The following VPS53 variants were observed in gnomAD, a reference collection of about 807,000 sequenced individuals.
VPS53 encodes the protein VPS53 subunit of GARP complex.
A neutral mutation model predicts 107.0 loss-of-function variants in VPS53; 70 were observed. That is an observed-to-expected ratio of 0.65 (90% confidence interval 0.54 to 0.80). The LOEUF (loss-of-function observed/expected upper bound fraction) is 0.80. Among genes scored for constraint, VPS53 ranks in the 30% least tolerant of loss-of-function variants. The pLI is 0.00. For synonymous variants in VPS53, 409 were observed against 393.3 expected (o/e 1.04, Z -0.47); for missense variants, 917 against 1,049.4 (o/e 0.87, Z 1.74).
intron 4 of VPS53, among the ~76,000 whole-genome samples, chr17:683,905 TTACTC>T (rs1274698021): frequency 6.6e-6 from 1 of 152,192 alleles, no homozygotes; most frequent in Non-Finnish European, 1.5e-5. Flanking sequence ...TTATTTTTAA[TTACTC>T]TAATTAGCAA....
intron 11 of VPS53, among the ~76,000 whole-genome samples, chr17:605,414 C>T (rs1181468801): frequency 6.6e-6 from 1 of 150,984 alleles, no homozygotes; most frequent in South Asian, 2.1e-4. Context: ...CAGGGAGACC[C>T]GGTGGAGACG....
chr17:574,830 G>A (rs1567640136), intron 13 of VPS53, among the ~76,000 whole-genome samples: 1 of 152,156 alleles, frequency 6.6e-6, no homozygotes, highest in Non-Finnish European at 1.5e-5. Flanking sequence ...GAAAAATTTG[G>A]GTTAAGAGAA....
intron 13 of VPS53, among the ~76,000 whole-genome samples, chr17:570,187 CA>C (rs1913905355): frequency 6.6e-6 from 1 of 151,490 alleles, no homozygotes; most frequent in Non-Finnish European, 1.5e-5. Context: ...ACCAACATGG[CA>C]AAACCCTGTC....
chr17:565,776 G>A (rs944713230), intron 13 of VPS53, among the ~76,000 whole-genome samples: 4 of 152,046 alleles, frequency 2.6e-5, no homozygotes, highest in African/African-American at 7.2e-5. Flanking sequence ...TGGCCAAAAC[G>A]CTCTCCCACC....
chr17:654,629 C>T (rs1055235936), intron 6 of VPS53, among the ~76,000 whole-genome samples: 1 of 147,370 alleles, frequency 6.8e-6, no homozygotes, highest in Admixed American at 6.8e-5. Flanking sequence ...CCCAGCTACT[C>T]GGGAGGCTGA....
At chr17:672,001 T>C (rs1229614337) in intron 4 of VPS53, among the ~76,000 whole-genome samples, 1 of 151,822 alleles carries the variant, frequency 6.6e-6, no homozygotes. Flanking sequence ...GAAAAAGAGT[T>C]TGTCTTTCGC....
chr17:695,822 G>A (rs539392312), intron 4 of VPS53, among the ~76,000 whole-genome samples: 2 of 152,324 alleles, frequency 1.3e-5, no homozygotes, highest in East Asian at 3.9e-4. Flanking sequence ...AAAGTGTTGG[G>A]ATTGCAGGTG....
chr17:525,673 GAC>G (rs1369031229), intron 19 of VPS53, among the ~76,000 whole-genome samples: 3 of 151,586 alleles, frequency 2.0e-5, no homozygotes, highest in South Asian at 2.1e-4. Context: ...CAGCCTGGGA[GAC>G]AGAGTGGGAC....
chr17:671,750 A>G (rs1484237301), intron 4 of VPS53, among the ~76,000 whole-genome samples: 1 of 146,852 alleles, frequency 6.8e-6, no homozygotes, highest in East Asian at 2.0e-4. Flanking sequence ...TCGTCGTGGC[A>G]TGATCTCAGC....
At chr17:526,720 T>A in intron 19 of VPS53, among the ~76,000 whole-genome samples, 1 of 152,170 alleles carries the variant, frequency 6.6e-6, no homozygotes, top group East Asian at 1.9e-4. Context: ...GTTGATGGGA[T>A]GTGGGGGTGC....
intron 10 of VPS53, 62 bp downstream of exon 10, chr17:627,112 G>A: frequency 1.3e-6 from 2 of 1,567,164 alleles, no homozygotes; most frequent in Non-Finnish European, 1.7e-6. Context: ...AACCATTAGA[G>A]ACTGGGGAAC....
At chr17:587,041 TAAAAAAA>T (rs1038712982) in intron 12 of VPS53, among the ~76,000 whole-genome samples, 1 of 146,946 alleles carries the variant, frequency 6.8e-6, no homozygotes, top group Non-Finnish European at 1.5e-5. Flanking sequence ...CACGAGTTCC[TAAAAAAA>T]AAACAAATAA....
chr17:633,204 G>A (rs550041573), intron 7 of VPS53, among the ~76,000 whole-genome samples: 2 of 152,198 alleles, frequency 1.3e-5, no homozygotes, highest in African/African-American at 2.4e-5. Context: ...CCGCAATCAC[G>A]TCCCGCAATC....
In VPS53 at chr17:511,017, C is replaced by T. The variant is rs1045463045; in HGVS notation, c.*8111G>A. On this transcript the variant is annotated 3_prime_UTR_variant, in exon 22 of 22. Coordinates refer to ENST00000437048, the MANE Select transcript of VPS53 (RefSeq NM_001128159.3). ...GGGCTCTGTGTGTAAACTGATGTTT[C>T]TTTATACAGCATTTGATATTGGGTG... The T allele has an allele frequency of 6.6e-6, 1 of 152,126 alleles. No individual in the cohort carries two copies. Among genetic ancestry groups the T allele is most frequent in the African/African-American group, 2.4e-5 (1 of 41,308 alleles). The allele number at this position is 152,126 out of a possible 1,614,324, so 9.4% of individuals were successfully genotyped here.
At chr17:566,082 T>C (rs1328493016) in intron 13 of VPS53, among the ~76,000 whole-genome samples, 4 of 149,728 alleles carry the variant, frequency 2.7e-5, no homozygotes, top group African/African-American at 4.9e-5. Flanking sequence ...CGGGCGCCTG[T>C]AGTCCCAGCT....
intron 14 of VPS53, among the ~76,000 whole-genome samples, chr17:561,535 A>G (rs1472825049): frequency 6.6e-6 from 1 of 152,248 alleles, no homozygotes; most frequent in Non-Finnish European, 1.5e-5. Flanking sequence ...ACAAAAGCAC[A>G]CAGATCACAC....
intron 13 of VPS53, among the ~76,000 whole-genome samples, chr17:575,757 T>C (rs1161516145): frequency 6.8e-6 from 1 of 147,408 alleles, no homozygotes. Flanking sequence ...CCTCAGGACC[T>C]AGTGCGTCCC....
intron 17 of VPS53, among the ~76,000 whole-genome samples, chr17:540,209 A>T (rs930878757): frequency 2.0e-5 from 3 of 151,802 alleles, no homozygotes; most frequent in African/African-American, 7.3e-5. Flanking sequence ...TTTTTTTGAG[A>T]CAGAGTCTCT....
intron 7 of VPS53, among the ~76,000 whole-genome samples, chr17:641,994 G>T (rs984138194): frequency 2.6e-5 from 4 of 152,156 alleles, no homozygotes; most frequent in African/African-American, 9.7e-5. Flanking sequence ...TCCTAAAAGT[G>T]TTCTCAGCTT....
Sources: gnomAD v4.1 joint callset for allele counts (sites outside exome capture counted in the v4.1 genomes callset) on GRCh38, gnomAD v4.1.1 for gene constraint, MANE v1.5 for transcripts, NCBI Gene and HGNC (gene_info 2026-07-23, HGNC 2026-07-21) for gene names.